The following KCNQ1OT1 variants were observed in gnomAD, a reference collection of about 807,000 sequenced individuals.
The protein encoded by KCNQ1OT1 is KCNQ1 antisense RNA 2 (non-protein coding).
At chr11:2,641,138 G>C in exon 1 of KCNQ1OT1, 1 of 398,432 alleles carries the variant, frequency 2.5e-6, no homozygotes. Flanking sequence ...CGGGGATGCA[G>C]GTACATTTTT....
Position 2,652,558 on chromosome 11 carries a change from T to G in KCNQ1OT1, n.47437A>C. The G allele has an allele frequency of 2.5e-6, 1 of 398,488 alleles. No homozygotes were observed. The highest frequency in any genetic ancestry group is 1.3e-4 in the South Asian group (1 of 7,860). 24.7% of individuals were successfully genotyped at this position (398,488 alleles called of 1,614,324 possible). On this transcript the variant is annotated non_coding_transcript_exon_variant, in exon 1 of 1. Transcript: ENST00000597346. This position sits in a 1 kb window ranked among gnomAD's most constrained non-coding sequence, Gnocchi z 5.9. ...AGATAGTGCTTAACCCAGATTCCAT[T>G]GTATATTAAAGTTTCCTAGGGCTGC...
chr11:2,650,274 T>C, exon 1 of KCNQ1OT1: 1 of 398,620 alleles, frequency 2.5e-6, no homozygotes. Context: ...TTGGAGTCTA[T>C]TATTGGAGAA....
In KCNQ1OT1 at chr11:2,621,244, C is replaced by T; in HGVS notation, n.78751G>A. The T allele has an allele frequency of 2.5e-6, 1 of 398,234 alleles. No individual in the cohort carries two copies. The allele number at this position is 398,234 out of a possible 1,614,324, so 24.7% of individuals were successfully genotyped here. A position where few individuals can be genotyped will look rare whatever the true frequency, so the allele number is the denominator to read the frequency against. On this transcript the variant is annotated non_coding_transcript_exon_variant, in exon 1 of 1. Transcript: ENST00000597346. This position sits in a 1 kb window ranked among gnomAD's most constrained non-coding sequence, Gnocchi z 5.7. Reference sequence around the variant, plus strand: ...CCACGCACCTCAGCCTCCCAAAGTGCTAGGACTACAGGCATGAGCCACCGT... The same window carrying T: ...CCACGCACCTCAGCCTCCCAAAGTGTTAGGACTACAGGCATGAGCCACCGT...
rs1850171498 is a variant in KCNQ1OT1, at chr11:2,670,885, T to A, written n.29110A>T. The A allele has an allele frequency of 2.5e-6, 1 of 398,650 alleles. No individual in the cohort carries two copies. Among genetic ancestry groups the A allele is most frequent in the Non-Finnish European group, 4.4e-6 (1 of 226,078 alleles). 24.7% of individuals were successfully genotyped at this position (398,650 alleles called of 1,614,324 possible). ...GCCAGTGGGCCACTGGGAAGCCTCC[T>A]GGATTGCCTGGACAAGGCTGACCTG... is the stretch of plus-strand genomic sequence containing the variant. On this transcript the variant is annotated non_coding_transcript_exon_variant, in exon 1 of 1. Coordinates refer to ENST00000597346, the Ensembl canonical transcript of KCNQ1OT1. The surrounding 1 kb of genome is among the most constrained non-coding windows in gnomAD (Gnocchi z 4.9).
chr11:2,665,842 T>G (rs1850057673), exon 1 of KCNQ1OT1: 1 of 398,594 alleles, frequency 2.5e-6, no homozygotes, highest in Non-Finnish European at 4.4e-6. Flanking sequence ...GGCACAGGGC[T>G]AGGGGCCTGA....
In KCNQ1OT1 at chr11:2,653,338, C is replaced by T. The variant is rs186052905; in HGVS notation, n.46657G>A. 1.5e-5 allele frequency: 6 copies of T among 398,742 alleles called. No individual in the cohort carries two copies. The highest frequency in any genetic ancestry group is 8.8e-5 in the Admixed American group (2 of 22,742). 24.7% of individuals were successfully genotyped at this position (398,742 alleles called of 1,614,324 possible). On this transcript the variant is annotated non_coding_transcript_exon_variant, in exon 1 of 1. Transcript: ENST00000597346. The surrounding 1 kb of genome is among the most constrained non-coding windows in gnomAD (Gnocchi z 5.3). The stretch of plus-strand genomic sequence containing the variant: ...CCTTGACTGCCCCCAGGCCCATGTC[C>T]GTAGGCTCACACCTCACCCCCAACT...
rs1259781898 is a variant in KCNQ1OT1, at chr11:2,654,166, C to G, written n.45829G>C. On this transcript the variant is annotated non_coding_transcript_exon_variant, in exon 1 of 1. Coordinates refer to ENST00000597346, the Ensembl canonical transcript of KCNQ1OT1. This position sits in a 1 kb window ranked among gnomAD's most constrained non-coding sequence, Gnocchi z 6.4. The stretch of plus-strand genomic sequence containing the variant: ...GGGTCTATGAGCCGGGCATGGGCAG[C>G]TGGCACAGGCTGTGGGGCTGCGGCT... The G allele has an allele frequency of 2.5e-6, 1 of 398,548 alleles. No individual in the cohort carries two copies. Among genetic ancestry groups the G allele is most frequent in the Admixed American group, 4.4e-5 (1 of 22,716 alleles). 24.7% of individuals were successfully genotyped at this position (398,548 alleles called of 1,614,324 possible).
chr11:2,687,384 T>C lies in KCNQ1OT1; in HGVS notation n.12611A>G, dbSNP rs934220068. 1.0e-5 allele frequency: 4 copies of C among 398,556 alleles called. No homozygotes were observed. Among genetic ancestry groups the C allele is most frequent in the African/African-American group, 8.2e-5 (4 of 48,638 alleles). 24.7% of individuals were successfully genotyped at this position (398,556 alleles called of 1,614,324 possible). ...CTTGGGCTGTCACTCAGGGCTGAGC[T>C]CTGCTGAAGGATCTGGGAGGTCAGT... On this transcript the variant is annotated non_coding_transcript_exon_variant, in exon 1 of 1. Transcript: ENST00000597346. The surrounding 1 kb of genome is among the most constrained non-coding windows in gnomAD (Gnocchi z 5.0).
rs986549487 is a variant in KCNQ1OT1 at position 2,654,280 on chromosome 11, G to A, written n.45715C>T. The A allele has an allele frequency of 1.5e-5, 6 of 398,724 alleles. No homozygotes were observed. Among genetic ancestry groups the A allele is most frequent in the African/African-American group, 8.2e-5 (4 of 48,602 alleles). 24.7% of individuals were successfully genotyped at this position (398,724 alleles called of 1,614,324 possible). ...ACAGTGCAGGATCCGCAGGGCTTTGGTGAATCCACTGAGAGGGGGAGATTT... is the reference window on the plus strand; with the variant it reads ...ACAGTGCAGGATCCGCAGGGCTTTGATGAATCCACTGAGAGGGGGAGATTT... On this transcript the variant is annotated non_coding_transcript_exon_variant, in exon 1 of 1. Transcript: ENST00000597346. The surrounding 1 kb of genome is among the most constrained non-coding windows in gnomAD (Gnocchi z 6.4).
chr11:2,675,102 G>C, exon 1 of KCNQ1OT1: 2 of 398,654 alleles, frequency 5.0e-6, no homozygotes, highest in Non-Finnish European at 8.8e-6. Flanking sequence ...TGAGTGGACA[G>C]ACCTGAAGGT....
At position 2,654,715 on chromosome 11, in the gene KCNQ1OT1, A is replaced by T. The variant is rs1369672104; in HGVS notation, n.45280T>A. The T allele has an allele frequency of 2.5e-6, 1 of 398,566 alleles. No individual in the cohort carries two copies. The highest frequency in any genetic ancestry group is 4.4e-6 in the Non-Finnish European group (1 of 226,222). 24.7% of individuals were successfully genotyped at this position (398,566 alleles called of 1,614,324 possible). ...GTCATAGGCTGGACTTGGGGCTTGAATGCTGACCTAATCTGGGCAGGGAGG... is the reference window on the plus strand; with the variant it reads ...GTCATAGGCTGGACTTGGGGCTTGATTGCTGACCTAATCTGGGCAGGGAGG... On this transcript the variant is annotated non_coding_transcript_exon_variant, in exon 1 of 1. Transcript: ENST00000597346. This position sits in a 1 kb window ranked among gnomAD's most constrained non-coding sequence, Gnocchi z 6.4.
chr11:2,638,478 T>C (rs1001737987), exon 1 of KCNQ1OT1: 1 of 152,234 alleles, frequency 6.6e-6, no homozygotes, highest in Admixed American at 6.5e-5. Flanking sequence ...AAAATTCTTT[T>C]CTTTAAGAAT....
chr11:2,610,969 AAG>A (rs1290399160), exon 1 of KCNQ1OT1: 3 of 398,144 alleles, frequency 7.5e-6, no homozygotes, highest in Non-Finnish European at 1.3e-5. Context: ...GAAAATCAAC[AAG>A]AGTTAGTACT....
rs1470831906 is a variant in KCNQ1OT1, at chr11:2,678,169, T to C, written n.21826A>G. The C allele has an allele frequency of 5.0e-6, 2 of 398,234 alleles. No individual in the cohort carries two copies. The highest frequency in any genetic ancestry group is 8.9e-6 in the Non-Finnish European group (2 of 225,950). 24.7% of individuals were successfully genotyped at this position (398,234 alleles called of 1,614,324 possible). A position where few individuals can be genotyped will look rare whatever the true frequency, so the allele number is the denominator to read the frequency against. ...AGGTGTTTTGGCTTTTTCTATAATATTTTTCTGGTGGCAGAATTTTTTTAA... is the reference window on the plus strand; with the variant it reads ...AGGTGTTTTGGCTTTTTCTATAATACTTTTCTGGTGGCAGAATTTTTTTAA... On this transcript the variant is annotated non_coding_transcript_exon_variant, in exon 1 of 1. Coordinates refer to ENST00000597346, the Ensembl canonical transcript of KCNQ1OT1. The surrounding 1 kb of genome is among the most constrained non-coding windows in gnomAD (Gnocchi z 4.9).
At chr11:2,660,266 T>C (rs1849928252) in exon 1 of KCNQ1OT1, 1 of 398,406 alleles carries the variant, frequency 2.5e-6, no homozygotes, top group East Asian at 3.6e-5. Context: ...CTATCAGGCA[T>C]AGATACTAAA....
chr11:2,683,455 T>A lies in KCNQ1OT1; in HGVS notation n.16540A>T, dbSNP rs781443994. On this transcript the variant is annotated non_coding_transcript_exon_variant, in exon 1 of 1. Transcript: ENST00000597346. The surrounding 1 kb of genome is among the most constrained non-coding windows in gnomAD (Gnocchi z 4.7). ...TAACTGGAAAAATGTAGGAATTACA[T>A]ATGATTCCATCAATGACAGTTTTCC... 5.0e-6 allele frequency: 2 copies of A among 398,660 alleles called. No homozygotes were observed. Among genetic ancestry groups the A allele is most frequent in the Non-Finnish European group, 8.8e-6 (2 of 226,068 alleles). The allele number at this position is 398,660 out of a possible 1,614,324, so 24.7% of individuals were successfully genotyped here.
In KCNQ1OT1 at chr11:2,673,603, C is replaced by T. The variant is rs185799874; in HGVS notation, n.26392G>A. ...TTACTTGGGCTAAAGAGAAGCTAAA[C>T]GTGACCAGCCTACCCACCTTGCTAC... On this transcript the variant is annotated non_coding_transcript_exon_variant, in exon 1 of 1. Coordinates refer to ENST00000597346, the Ensembl canonical transcript of KCNQ1OT1. The surrounding 1 kb of genome is among the most constrained non-coding windows in gnomAD (Gnocchi z 4.5). 18 of 398,778 alleles carry T rather than the reference C, an allele frequency of 4.5e-5. No individual in the cohort carries two copies. The highest frequency in any genetic ancestry group is 2.2e-4 in the Admixed American group (5 of 22,746). The allele number at this position is 398,778 out of a possible 1,614,324, so 24.7% of individuals were successfully genotyped here. A position where few individuals can be genotyped will look rare whatever the true frequency, so the allele number is the denominator to read the frequency against.
At position 2,674,206 on chromosome 11, in the gene KCNQ1OT1, G is replaced by A; in HGVS notation, n.25789C>T. 1 of 398,684 alleles carries A rather than the reference G, an allele frequency of 2.5e-6. No individual in the cohort carries two copies. The highest frequency in any genetic ancestry group is 4.4e-6 in the Non-Finnish European group (1 of 226,136). The allele number at this position is 398,684 out of a possible 1,614,324, so 24.7% of individuals were successfully genotyped here. A position where few individuals can be genotyped will look rare whatever the true frequency, so the allele number is the denominator to read the frequency against. ...GCTGGGGAGAGCACAGCCAGTTGTG[G>A]GTTTTTCTTGGGGCCCAGATAGATG... On this transcript the variant is annotated non_coding_transcript_exon_variant, in exon 1 of 1. Coordinates refer to ENST00000597346, the Ensembl canonical transcript of KCNQ1OT1. This position sits in a 1 kb window ranked among gnomAD's most constrained non-coding sequence, Gnocchi z 5.9.
chr11:2,616,781 A>T lies in KCNQ1OT1; in HGVS notation n.83214T>A, dbSNP rs560396600. 21 of 398,206 alleles carry T rather than the reference A, an allele frequency of 5.3e-5. No homozygotes were observed. In the East Asian group the frequency reaches 7.1e-4, roughly 14 times the overall value. The allele number at this position is 398,206 out of a possible 1,614,324, so 24.7% of individuals were successfully genotyped here. A position where few individuals can be genotyped will look rare whatever the true frequency, so the allele number is the denominator to read the frequency against. ...GTATGATTTCTATATTTTAAAATTT[A>T]TTGAGACTCTTTTGTGGCCTAACAT... On this transcript the variant is annotated non_coding_transcript_exon_variant, in exon 1 of 1. Transcript: ENST00000597346.
Sources: allele counts gnomAD v4.1 joint callset, GRCh38; gene constraint gnomAD v4.1.1; non-coding constraint Gnocchi (gnomAD v3.1); transcripts MANE v1.5; gene names NCBI Gene and HGNC (gene_info 2026-07-23, HGNC 2026-07-21).